Variants in DNAH9 observed in about 807,000 individuals in gnomAD.
DNAH9 encodes DNAH9 variant protein.
In DNAH9, 345 loss-of-function variants were observed where a neutral mutation model predicts 471.6. That is an observed-to-expected ratio of 0.73 (90% CI 0.67 to 0.80). The LOEUF is 0.80. DNAH9 is among the 30% of genes least tolerant of loss of function. The pLI is 0.00. For synonymous variants in DNAH9, 2,093 were observed against 2,123.6 expected (o/e 0.99, Z 0.40); for missense variants, 5,407 against 5,609.2 (o/e 0.96, Z 1.15).
intron 15 of DNAH9, among the ~76,000 whole-genome samples, chr17:11,666,783 G>A (rs1299396943): frequency 6.6e-6 from 1 of 152,158 alleles, no homozygotes; most frequent in East Asian, 1.9e-4. Flanking sequence ...GCCACAGGAT[G>A]GAAGGAACCT....
intron 62 of DNAH9, 137 bp from the exon 63 acceptor site, chr17:11,929,729 T>TA (rs1974442729): frequency 1.4e-6 from 1 of 698,642 alleles, no homozygotes; most frequent in Non-Finnish European, 2.4e-6. Flanking sequence ...AATTTTCTGT[T>TA]ACGTCTTACC....
chr17:11,896,956 GGC>G (rs1454426327), intron 59 of DNAH9, among the ~76,000 whole-genome samples: 1 of 152,164 alleles, frequency 6.6e-6, no homozygotes, highest in African/African-American at 2.4e-5. Flanking sequence ...CGGGTGTGGT[GGC>G]ACACACCTGT....
rs781598590 is a variant in DNAH9 at position 11,738,965 on chromosome 17, G to A, written c.5900G>A (p.Gly1967Asp). 1.9e-6 allele frequency: 3 copies of A among 1,614,048 alleles called. No homozygotes were observed. The Admixed American group carries it at 5.0e-5, about 27-fold the overall frequency. ...GAGATCAGCCTGAATCCTTCTGTCG[G>A]TATCTTCATCACCATGAACCCAGGC... ...GEEISLNPSVGIFITMNPGYA... is the reference protein window; with the variant it reads ...GEEISLNPSVDIFITMNPGYA... Residue 1967 changes from glycine (G) to aspartate (D), a missense_variant, in exon 29 of 69, where the codon GGT (glycine) becomes GAT (aspartate). Physicochemically the swap from Gly to Asp is moderately conservative, Grantham distance 94. Coordinates refer to ENST00000262442, the MANE Select transcript of DNAH9 (RefSeq NM_001372.4).
At chr17:11,668,419 C>T (rs1355540238) in intron 15 of DNAH9, among the ~76,000 whole-genome samples, 3 of 152,132 alleles carry the variant, frequency 2.0e-5, no homozygotes. Flanking sequence ...GTAATCTCAG[C>T]ACTTTGGGAG....
At position 11,705,019 on chromosome 17, in the gene DNAH9, C is replaced by T. The variant is rs542645458; in HGVS notation, c.5392-6C>T. On this transcript the variant is annotated splice_region_variant and splice_polypyrimidine_tract_variant and intron_variant, in intron 25 of 68. Coordinates refer to ENST00000262442, the MANE Select transcript of DNAH9 (RefSeq NM_001372.4). ...TCACCCACCTACTCTACCACTCTCT[C>T]TTTAGGTAGACAATGCCCAGGCTTT... 1 of 1,613,516 alleles carries T rather than the reference C, an allele frequency of 6.2e-7. No homozygotes were observed. The highest frequency in any genetic ancestry group is 1.3e-5 in the African/African-American group (1 of 75,052).
chr17:11,611,550 G>A (rs987731730), intron 3 of DNAH9, 100 bp from the exon 4 acceptor site: 9 of 1,268,310 alleles, frequency 7.1e-6, no homozygotes, highest in African/African-American at 4.5e-5. Context: ...GAAGCACCCC[G>A]AGGCAGGGCT....
chr17:11,779,914 GTCTA>G (rs1395233820), intron 38 of DNAH9, among the ~76,000 whole-genome samples: 11 of 152,210 alleles, frequency 7.2e-5, no homozygotes, highest in Non-Finnish European at 7.3e-5. Flanking sequence ...GAAGGAACTT[GTCTA>G]TCTGTCACCT....
chr17:11,711,940 G>A (rs71369655), intron 26 of DNAH9, among the ~76,000 whole-genome samples: 1,464 of 2,528 alleles, frequency 0.58, 487 homozygotes, highest in Middle Eastern at 1. Flanking sequence ...ATATATATTT[G>A]TATATATATT....
At chr17:11,694,610 CTTTCTTGCTTTCTTGCTTTCTT>C (rs2074397289) in intron 22 of DNAH9, among the ~76,000 whole-genome samples, 163 bp downstream of exon 22, 2 of 6,082 alleles carry the variant, frequency 3.3e-4, no homozygotes, top group African/African-American at 4.3e-4. Context: ...AGCTTTCTTG[CTTTCTTGCTTTCTTGCTTTCTT>C]GCTTTCTTGC....
In DNAH9 at chr17:11,598,649, G is replaced by C; in HGVS notation, c.151G>C (p.Glu51Gln). 1.5e-6 allele frequency: 2 copies of C among 1,355,970 alleles called. No homozygotes were observed. The highest frequency in any genetic ancestry group is 1.9e-6 in the Non-Finnish European group (2 of 1,059,936). 84.0% of individuals were successfully genotyped at this position (1,355,970 alleles called of 1,614,324 possible). A position where few individuals can be genotyped will look rare whatever the true frequency, so the allele number is the denominator to read the frequency against. The change falls in exon 1 of 69, where the codon GAG becomes CAG. Residue 51 changes from glutamate (E) to glutamine (Q), a missense_variant. Glu to Gln is a conservative substitution (Grantham distance 29). Around this residue, in one of 3 missense-constraint regions of DNAH9, gnomAD observed 767 missense variants for 692.5 expected, o/e 1.11. Coordinates refer to ENST00000262442, the MANE Select transcript of DNAH9 (RefSeq NM_001372.4). ...GAWERCAGSA[E>Q]AEQLLQAFLG... ...CTGGGAGCGTTGCGCGGGGAGTGCT[G>C]AGGCGGAGCAGCTGCTCCAGGCCTT...
At chr17:11,834,983 G>C (rs1374481870) in intron 49 of DNAH9, 85 bp downstream of exon 49, 2 of 1,518,012 alleles carry the variant, frequency 1.3e-6, no homozygotes, top group Non-Finnish European at 1.8e-6. Flanking sequence ...GAGATGCAAG[G>C]ACAATGTTGG....
intron 45 of DNAH9, among the ~76,000 whole-genome samples, chr17:11,815,084 A>G (rs190299881): frequency 2.1e-4 from 32 of 152,312 alleles, no homozygotes; most frequent in Non-Finnish European, 4.1e-4. Context: ...CAGACAGTGG[A>G]ACTTTAAACC....
At chr17:11,924,378 C>T (rs1974244181) in intron 62 of DNAH9, among the ~76,000 whole-genome samples, 1 of 152,008 alleles carries the variant, frequency 6.6e-6, no homozygotes, top group African/African-American at 2.4e-5. Context: ...GATATGGGAG[C>T]AACCTTAGCC....
At chr17:11,790,591 G>C (rs34004591) in intron 41 of DNAH9, among the ~76,000 whole-genome samples, 1 of 151,748 alleles carries the variant, frequency 6.6e-6, no homozygotes, top group African/African-American at 2.4e-5. Context: ...AGCAGCATAC[G>C]GTTGGGTTCT....
rs540681105 is a variant in DNAH9 at position 11,886,065 on chromosome 17, A to G, written c.10972-760A>G. Among the ~76,000 whole-genome samples, 693 of 152,224 alleles carry G rather than the reference A, an allele frequency of 4.6e-3. 1 individual carries two copies. Among genetic ancestry groups the G allele is most frequent in the Non-Finnish European group, 7.0e-3 (479 of 68,006 alleles). ...TGGCTGGGCGCGGTGGCTCACGCCT[A>G]TAATCCCAGCACTTTGGGAGGCTGA... On this transcript the variant is annotated intron_variant, in intron 56 of 68. Coordinates refer to ENST00000262442, the MANE Select transcript of DNAH9 (RefSeq NM_001372.4).
At chr17:11,800,972 T>C (rs1309278016) in intron 43 of DNAH9, among the ~76,000 whole-genome samples, 2 of 152,082 alleles carry the variant, frequency 1.3e-5, no homozygotes, top group Admixed American at 1.3e-4. Context: ...TAATTATAAC[T>C]AGGGTCATCA....
intron 50 of DNAH9, among the ~76,000 whole-genome samples, chr17:11,867,085 A>C (rs1466845587): frequency 3.3e-5 from 5 of 152,214 alleles, no homozygotes; most frequent in Non-Finnish European, 7.3e-5. Flanking sequence ...CCTCAGATGG[A>C]AATGCAGAAA....
chr17:11,683,994 T>C (rs2150745395), intron 19 of DNAH9, among the ~76,000 whole-genome samples: 1 of 152,352 alleles, frequency 6.6e-6, no homozygotes, highest in Admixed American at 6.5e-5. Flanking sequence ...AATTTGTAGG[T>C]ATTATGTGTG....
chr17:11,625,135 A>G (rs557539676), intron 6 of DNAH9, among the ~76,000 whole-genome samples: 24 of 152,256 alleles, frequency 1.6e-4, no homozygotes, highest in African/African-American at 5.8e-4. Flanking sequence ...TAGATTCTGC[A>G]GATCCCCTGT....
Sources: gnomAD v4.1 joint callset for allele counts (sites outside exome capture counted in the v4.1 genomes callset) on GRCh38, gnomAD v4.1.1 for gene constraint, gnomAD v4.1.1 regional missense constraint, MANE v1.5 for transcripts, NCBI Gene and HGNC (gene_info 2026-07-23, HGNC 2026-07-21) for gene names.